The following UGT1A3 variants were observed in gnomAD, a reference collection of about 807,000 sequenced individuals.
UGT1A3 encodes UDP-glucuronosyltransferase 1A3.
Under a neutral mutation model 41.0 loss-of-function variants are expected in UGT1A3, and 31 were observed. The observed-to-expected ratio is 0.76, with a 90% CI of 0.57 to 1.02. The LOEUF (loss-of-function observed/expected upper bound fraction) is 1.02, where lower values mean the gene tolerates loss of function less well. Ranked by LOEUF, UGT1A3 falls within the 50% of genes least tolerant of loss-of-function variation. The probability of loss-of-function intolerance (pLI) is 0.00; values close to 1 mark genes in which losing one functional copy is unlikely to be tolerated. For missense variants in UGT1A3, 737 were observed against 671.0 expected, an observed-to-expected ratio of 1.10 and a Z score of -1.09; for synonymous variants, 262 against 257.6, an observed-to-expected ratio of 1.02 and a Z score of -0.17.
intron 1 of UGT1A3, among the ~76,000 whole-genome samples, chr2:233,732,898 G>T (rs1347576081): frequency 6.6e-6 from 1 of 151,914 alleles, no homozygotes; most frequent in Non-Finnish European, 1.5e-5. Context: ...AATTACCTTG[G>T]GCAGTATGGC....
chr2:233,759,602 C>T (rs1283516103), intron 1 of UGT1A3, among the ~76,000 whole-genome samples: 2 of 135,262 alleles, frequency 1.5e-5, no homozygotes, highest in African/African-American at 5.3e-5. Flanking sequence ...ACCCCCGACC[C>T]GCCCCACCCA....
Position 233,747,094 on chromosome 2 carries a change from A to G in UGT1A3, c.867+17101A>G, listed in dbSNP as rs1052530336. 1.0e-5 allele frequency: 13 copies of G among 1,281,570 alleles called. No homozygotes were observed. The African/African-American group carries it at 1.2e-4, about 12-fold the overall frequency. The allele number at this position is 1,281,570 out of a possible 1,614,324, so 79.4% of individuals were successfully genotyped here. Reference sequence around the variant, plus strand: ...TAATTAACTAGGAGGAGAGCACTCTATCTTCCAATTACATGATGATTTGCT... The same window carrying G: ...TAATTAACTAGGAGGAGAGCACTCTGTCTTCCAATTACATGATGATTTGCT... On this transcript the variant is annotated intron_variant, in intron 1 of 4. Coordinates refer to ENST00000482026, the MANE Select transcript of UGT1A3 (RefSeq NM_019093.4).
chr2:233,768,255 G>C lies in UGT1A3; in HGVS notation c.1123G>C (p.Gly375Arg). ...PMTRAFITHA[G>R]SHGVYESICN... is the part of the protein sequence containing the mutation. ...GACCCGTGCCTTTATCACCCATGCT[G>C]GTTCCCATGGTGTTTATGAAAGCAT... Residue 375 changes from glycine to arginine, a missense_variant, in exon 4 of 5, where the codon GGT (glycine) becomes CGT (arginine). By Grantham distance (125) the Gly-to-Arg change is moderately radical. Transcript: ENST00000482026. 1 of 1,614,166 alleles carries C rather than the reference G, an allele frequency of 6.2e-7. No individual in the cohort carries two copies. The highest frequency in any genetic ancestry group is 8.5e-7 in the Non-Finnish European group (1 of 1,180,040).
Position 233,772,456 on chromosome 2 carries a change from T to G in UGT1A3, c.1502T>G (p.Leu501Arg). The G allele has an allele frequency of 6.2e-7, 1 of 1,614,218 alleles. No individual in the cohort carries two copies. ...DVIGFLLAVV[L>R]TVAFITFKCC... ...ATTGGTTTCCTCTTGGCCGTCGTGC[T>G]GACAGTGGCCTTCATCACCTTTAAA... Residue 501 changes from leucine to arginine, a missense_variant, in exon 5 of 5, where the codon CTG becomes CGG. Physicochemically the swap from Leu to Arg is moderately radical, Grantham distance 102. Transcript: ENST00000482026.
rs1377553031 is a variant in UGT1A3 at position 233,755,239 on chromosome 2, G to C, written c.868-11795G>C. 12 of 885,954 alleles carry C rather than the reference G, an allele frequency of 1.4e-5. No individual in the cohort carries two copies. The South Asian group carries it at 1.5e-4, about 11-fold the overall frequency. The allele number at this position is 885,954 out of a possible 1,614,324, so 54.9% of individuals were successfully genotyped here. A position where few individuals can be genotyped will look rare whatever the true frequency, so the allele number is the denominator to read the frequency against. On this transcript the variant is annotated intron_variant, in intron 1 of 4. Transcript: ENST00000482026. ...ATACCCTCGGACGAGGCCTACCGGG[G>C]TACTCCCAGCACCTCGTAGTAGTCC...
At chr2:233,752,606 A>T (rs1695016071) in intron 1 of UGT1A3, 1 of 152,194 alleles carries the variant, frequency 6.6e-6, no homozygotes, top group African/African-American at 2.4e-5. Context: ...TTTTTAAAAA[A>T]ACATTAGCTA....
rs771993243 is a variant in UGT1A3 at position 233,755,018 on chromosome 2, C to G, written c.868-12016C>G. 2.3e-6 allele frequency: 3 copies of G among 1,302,150 alleles called. No homozygotes were observed. In the South Asian group the frequency reaches 3.5e-5, roughly 15 times the overall value. The allele number at this position is 1,302,150 out of a possible 1,614,324, so 80.7% of individuals were successfully genotyped here. ...AGCTGAAGACCTACTCGAAGGGGTCCTTGAAGGGCCTGCCGCCTGCGCAGC... is the reference window on the plus strand; with the variant it reads ...AGCTGAAGACCTACTCGAAGGGGTCGTTGAAGGGCCTGCCGCCTGCGCAGC... On this transcript the variant is annotated intron_variant, in intron 1 of 4. Transcript: ENST00000482026.
At chr2:233,731,482 G>C (rs562723642) in intron 1 of UGT1A3, among the ~76,000 whole-genome samples, 2 of 152,088 alleles carry the variant, frequency 1.3e-5, no homozygotes, top group Non-Finnish European at 2.9e-5. Flanking sequence ...TCCCTGGCCT[G>C]TGTCCAGTGT....
Position 233,773,232 on chromosome 2 carries a change from G to A in UGT1A3, c.*673G>A, listed in dbSNP as rs915315951. On this transcript the variant is annotated 3_prime_UTR_variant, in exon 5 of 5. Transcript: ENST00000482026. Reference sequence around the variant, plus strand: ...ACCCAAAATACAGCTATGAAGTGCTGGGCAAGTTTACTTTTTTTCTGATGT... The same window carrying A: ...ACCCAAAATACAGCTATGAAGTGCTAGGCAAGTTTACTTTTTTTCTGATGT... The A allele has an allele frequency of 1.3e-5, 2 of 152,202 alleles. No individual in the cohort carries two copies. Among genetic ancestry groups the A allele is most frequent in the East Asian group, 3.7e-4 (2 of 5,344 alleles). The allele number at this position is 152,202 out of a possible 1,614,324, so 9.4% of individuals were successfully genotyped here. A position where few individuals can be genotyped will look rare whatever the true frequency, so the allele number is the denominator to read the frequency against.
intron 3 of UGT1A3, 36 bp from the exon 4 acceptor site, chr2:233,768,184 T>A: frequency 6.2e-7 from 1 of 1,614,044 alleles, no homozygotes; most frequent in Non-Finnish European, 8.5e-7. Flanking sequence ...AACTCAGAGA[T>A]GTAACTGCTG....
At chr2:233,743,983 G>C in intron 1 of UGT1A3, 2 of 1,288,226 alleles carry the variant, frequency 1.6e-6, no homozygotes, top group Middle Eastern at 2.3e-4. Flanking sequence ...GCACCCAGGC[G>C]CAGGCCCGAG....
chr2:233,770,117 C>T (rs1700019979), intron 4 of UGT1A3: 1 of 152,326 alleles, frequency 6.6e-6, no homozygotes, highest in Non-Finnish European at 1.5e-5. Context: ...CTAAGAACAA[C>T]TTGGTGAAAG....
At chr2:233,767,675 C>G (rs1273555402) in intron 2 of UGT1A3, among the ~76,000 whole-genome samples, 174 bp from the exon 3 acceptor site, 1 of 152,180 alleles carries the variant, frequency 6.6e-6, no homozygotes, top group Non-Finnish European at 1.5e-5. Context: ...ACTAAACCTC[C>G]AAAACAAGAT....
chr2:233,729,306 C>T lies in UGT1A3; in HGVS notation c.180C>T (p.Val60=), dbSNP rs146717613. 8.1e-6 allele frequency: 13 copies of T among 1,614,122 alleles called. No individual in the cohort carries two copies. The highest frequency in any genetic ancestry group is 1.1e-5 in the Non-Finnish European group (13 of 1,180,050). ...ELHARGHQAV[V]LTPEVNMHIK... ...ATGCCAGAGGCCACCAGGCAGTGGT[C>T]CTCACCCCAGAGGTGAATATGCACA... Residue 60 remains valine (V), a synonymous_variant, in exon 1 of 5, where the codon GTC becomes GTT. Coordinates refer to ENST00000482026, the MANE Select transcript of UGT1A3 (RefSeq NM_019093.4).
intron 1 of UGT1A3, chr2:233,754,340 T>C (rs17862879): frequency 7.9e-6 from 2 of 252,142 alleles, no homozygotes; most frequent in Non-Finnish European, 1.6e-5. Flanking sequence ...GTTTAATAAA[T>C]AGCAAATTGC....
intron 1 of UGT1A3, among the ~76,000 whole-genome samples, chr2:233,739,652 T>C: frequency 6.6e-6 from 1 of 152,236 alleles, no homozygotes; most frequent in African/African-American, 2.4e-5. Context: ...CCAATTTCTG[T>C]ACCCCCATTG....
In UGT1A3 at chr2:233,747,491, G is replaced by C. The variant is rs1270962387; in HGVS notation, c.867+17498G>C. 1.3e-5 allele frequency: 21 copies of C among 1,608,968 alleles called. No individual in the cohort carries two copies. The East Asian group carries it at 2.7e-4, about 20-fold the overall frequency. On this transcript the variant is annotated intron_variant, in intron 1 of 4. Transcript: ENST00000482026. The stretch of plus-strand genomic sequence containing the variant: ...CCCAGGATGAATTTGATCGCCTTGT[G>C]CTGGGCCACACTCAACTGTACTTTG...
intron 2 of UGT1A3, 29 bp downstream of exon 2, chr2:233,767,194 A>C (rs746011204): frequency 1.9e-6 from 3 of 1,613,774 alleles, no homozygotes; most frequent in Non-Finnish European, 2.5e-6. Flanking sequence ...ATGGCCTCAT[A>C]TCTATTTTCA....
intron 1 of UGT1A3, chr2:233,756,085 A>G (rs75115933): frequency 6.6e-6 from 1 of 152,236 alleles, no homozygotes; most frequent in Non-Finnish European, 1.5e-5. Flanking sequence ...TGAGAAAATC[A>G]AGTAACATTA....
Sources: allele counts gnomAD v4.1 joint callset (sites outside exome capture counted in the v4.1 genomes callset), GRCh38; gene constraint gnomAD v4.1.1; transcripts MANE v1.5; gene names NCBI Gene and HGNC (gene_info 2026-07-23, HGNC 2026-07-21).